BMS1: variants seen among roughly 807,000 people sequenced by gnomAD.
BMS1 encodes the protein BMS1 ribosome biogenesis factor, also known as ribosome biogenesis protein BMS1 homolog.
In BMS1, 53 loss-of-function variants were observed where a neutral mutation model predicts 138.7. That is an observed-to-expected ratio of 0.38 (90% CI 0.31 to 0.48). BMS1 has a LOEUF of 0.48. Among genes scored for constraint, BMS1 ranks in the 20% least tolerant of loss-of-function variants. BMS1 has a pLI of 0.97. For synonymous variants in BMS1, 504 were observed against 539.9 expected, an observed-to-expected ratio of 0.93 and a Z score of 0.92; for missense variants, 1,360 against 1,565.5, an observed-to-expected ratio of 0.87 and a Z score of 2.22.
Position 42,793,013 on chromosome 10 carries a change from C to G in BMS1, c.958C>G (p.Pro320Ala). ...TTTCCTCCCAGACCCTTGCGCTCTT[C>G]CTGAACAACAAAAGAAGCGCTGTTT... ...ISFLPDPCAL[P>A]EQQKKRCLNE... The change falls in exon 8 of 23, where the codon CCT becomes GCT. Residue 320 changes from proline to alanine, a missense_variant. By Grantham distance (27) the Pro-to-Ala change is conservative (BLOSUM62 -1). Transcript: ENST00000374518. 1 of 1,614,050 alleles carries G rather than the reference C, an allele frequency of 6.2e-7. No homozygotes were observed. The highest frequency in any genetic ancestry group is 8.5e-7 in the Non-Finnish European group (1 of 1,179,980).
intron 13 of BMS1, among the ~76,000 whole-genome samples, chr10:42,804,730 ATTT>A (rs60467901): frequency 6.8e-6 from 1 of 147,092 alleles, no homozygotes; most frequent in African/African-American, 2.5e-5. Flanking sequence ...TCAAAAAAAA[ATTT>A]TTTTTTTTTT....
Position 42,793,991 on chromosome 10 carries a change from G to A in BMS1, c.1229G>A (p.Gly410Glu), listed in dbSNP as rs540916105. 2.2e-4 allele frequency: 349 copies of A among 1,609,950 alleles called. 3 individuals are homozygous for A. The South Asian group carries it at 3.7e-3, about 17-fold the overall frequency. The change falls in exon 9 of 23, where the codon GGG (glycine) becomes GAG (glutamate). Residue 410 changes from glycine (G) to glutamate (E), a missense_variant and splice_region_variant. This residue lies in a region of BMS1 where 697 missense variants were observed against 686.2 expected (regional missense o/e 1.02). Transcript: ENST00000374518. Reference sequence around the variant, plus strand: ...GGGTCAGAGGATATAGATAATCAAGGGTAAGTCTGCTTTTTTTCTATTTTT... The same window carrying A: ...GGGTCAGAGGATATAGATAATCAAGAGTAAGTCTGCTTTTTTTCTATTTTT... ...PLGSEDIDNQ[G>E]LMMPKEEKQM...
chr10:42,783,587 A>G (rs943363326), intron 1 of BMS1, among the ~76,000 whole-genome samples: 3 of 151,754 alleles, frequency 2.0e-5, no homozygotes, highest in Non-Finnish European at 4.4e-5. Context: ...AAGCTGTCAG[A>G]TTTTATGCAG....
At position 42,784,347 on chromosome 10, in the gene BMS1, C is replaced by A. The variant is rs1403805739; in HGVS notation, c.-33-15C>A. 3 of 1,530,744 alleles carry A rather than the reference C, an allele frequency of 2.0e-6. No individual in the cohort carries two copies. Among genetic ancestry groups the A allele is most frequent in the Non-Finnish European group, 2.6e-6 (3 of 1,144,974 alleles). 94.8% of individuals were successfully genotyped at this position (1,530,744 alleles called of 1,614,324 possible). A position where few individuals can be genotyped will look rare whatever the true frequency, so the allele number is the denominator to read the frequency against. Reference sequence around the variant, plus strand: ...TGCTTCTCCCATCTCCTTACCCCAACCTTCTTCCTTGTAGGTTAGAGTTAC... The same window carrying A: ...TGCTTCTCCCATCTCCTTACCCCAAACTTCTTCCTTGTAGGTTAGAGTTAC... On this transcript the variant is annotated splice_polypyrimidine_tract_variant and intron_variant, in intron 1 of 22. Coordinates refer to ENST00000374518, the MANE Select transcript of BMS1 (RefSeq NM_014753.4).
At chr10:42,794,259 T>C (rs1470169343) in intron 9 of BMS1, among the ~76,000 whole-genome samples, 1 of 152,176 alleles carries the variant, frequency 6.6e-6, no homozygotes, top group Admixed American at 6.5e-5. Context: ...CTTTTGTTTT[T>C]TAAGAGACCT....
chr10:42,819,861 G>T (rs188958805), intron 15 of BMS1, among the ~76,000 whole-genome samples: 2 of 152,120 alleles, frequency 1.3e-5, no homozygotes, highest in African/African-American at 4.8e-5. Flanking sequence ...GCACGATCTC[G>T]ACTCACTGCA....
At position 42,823,739 on chromosome 10, in the gene BMS1, C is replaced by A. The variant is rs754940990; in HGVS notation, c.3411C>A (p.Leu1137=). 1 of 1,595,456 alleles carries A rather than the reference C, an allele frequency of 6.3e-7. No individual in the cohort carries two copies. The highest frequency in any genetic ancestry group is 8.5e-7 in the Non-Finnish European group (1 of 1,179,434). The change falls in exon 21 of 23, where the codon CTC becomes CTA. Residue 1137 remains leucine (L), a synonymous_variant. Transcript: ENST00000374518. ...TGCGGACCACGGGCCAACTCAGGCT[C>A]GCCCATGGCGTCAGACTAAAGGCGA... ...SGMRTTGQLR[L]AHGVRLKANK... is the part of the protein sequence containing the mutation.
intron 13 of BMS1, among the ~76,000 whole-genome samples, chr10:42,807,580 C>T (rs960427067): frequency 1.3e-5 from 2 of 152,274 alleles, no homozygotes; most frequent in East Asian, 1.9e-4. Flanking sequence ...AAGTGATCTT[C>T]CCACATCAGC....
chr10:42,823,749 G>T lies in BMS1; in HGVS notation c.3421G>T (p.Val1141Phe). ...GGGCCAACTCAGGCTCGCCCATGGC[G>T]TCAGACTAAAGGCGAACAAGGACTC... is the stretch of plus-strand genomic sequence containing the variant. The part of the protein sequence containing the change: ...TTGQLRLAHG[V>F]RLKANKDSLY... The change falls in exon 21 of 23, where the codon GTC becomes TTC. Residue 1141 changes from valine (V) to phenylalanine (F), a missense_variant. This residue lies in a region of BMS1 where 425 missense variants were observed against 568.3 expected (regional missense o/e 0.75). Transcript: ENST00000374518. 1 of 1,595,120 alleles carries T rather than the reference G, an allele frequency of 6.3e-7. No homozygotes were observed. The highest frequency in any genetic ancestry group is 8.5e-7 in the Non-Finnish European group (1 of 1,179,324).
rs1400564950 is a variant in BMS1, at chr10:42,834,540, T to G, written c.*3444T>G. 1 of 152,174 alleles carries G rather than the reference T, an allele frequency of 6.6e-6. No individual in the cohort carries two copies. The highest frequency in any genetic ancestry group is 6.5e-5 in the Admixed American group (1 of 15,270). The allele number at this position is 152,174 out of a possible 1,614,324, so 9.4% of individuals were successfully genotyped here. A position where few individuals can be genotyped will look rare whatever the true frequency, so the allele number is the denominator to read the frequency against. On this transcript the variant is annotated 3_prime_UTR_variant, in exon 23 of 23. Transcript: ENST00000374518. ...TTGTGTCTCCTTAGTTTTACCTAGTTTATTTCATGGTTTTAAAGTATTGTA... is the reference window on the plus strand; with the variant it reads ...TTGTGTCTCCTTAGTTTTACCTAGTGTATTTCATGGTTTTAAAGTATTGTA...
chr10:42,785,633 A>G lies in BMS1; in HGVS notation c.328A>G (p.Lys110Glu). The change falls in exon 3 of 23, where the codon AAG becomes GAG. Residue 110 changes from lysine (K) to glutamate (E), a missense_variant. Physicochemically the swap from Lys to Glu is moderately conservative, Grantham distance 56 (BLOSUM62 1). Coordinates refer to ENST00000374518, the MANE Select transcript of BMS1 (RefSeq NM_014753.4). Reference sequence around the variant, plus strand: ...CCTCATTCGGAACTTTACCCGGCAGAAGTTGACTGAGATCAGAGGCCCTGT... The same window carrying G: ...CCTCATTCGGAACTTTACCCGGCAGGAGTTGACTGAGATCAGAGGCCCTGT... ...QCLIRNFTRQ[K>E]LTEIRGPVTI... The G allele has an allele frequency of 1.9e-6, 3 of 1,613,940 alleles. No individual in the cohort carries two copies. Among genetic ancestry groups the G allele is most frequent in the Non-Finnish European group, 2.5e-6 (3 of 1,179,860 alleles).
rs879940551 is a variant in BMS1 at position 42,811,520 on chromosome 10, C to CT, written c.2330-5074dup. On this transcript the variant is annotated intron_variant, in intron 13 of 22. Transcript: ENST00000374518. ...CACAAATGTTCACGTGTTGTATTTT[C>CT]TTTTTCTTTTTTTTTTTTTTTTGAG... Among the ~76,000 whole-genome samples the CT allele has an allele frequency of 2.0e-3, 246 of 121,548 alleles. 32 individuals carry two copies. Among genetic ancestry groups the CT allele is most frequent in the African/African-American group, 5.9e-3 (175 of 29,850 alleles). The allele number at this position is 121,548 out of a possible 152,430, so 79.7% of individuals were successfully genotyped here.
At chr10:42,825,175 A>G (rs926658874) in intron 21 of BMS1, among the ~76,000 whole-genome samples, 6 of 151,944 alleles carry the variant, frequency 3.9e-5, no homozygotes, top group African/African-American at 1.2e-4. Flanking sequence ...TGCCCAGCCA[A>G]TTTTTGTGGT....
rs1296260140 is a variant in BMS1, at chr10:42,817,357, C to T, written c.2443C>T (p.Pro815Ser). The change falls in exon 15 of 23, where the codon CCC becomes TCC. Residue 815 changes from proline (P) to serine (S), a missense_variant. Pro to Ser is a moderately conservative substitution (Grantham distance 74, BLOSUM62 -1). Around this residue, in one of 3 missense-constraint regions of BMS1, gnomAD observed 697 missense variants for 686.2 expected, o/e 1.02. Coordinates refer to ENST00000374518, the MANE Select transcript of BMS1 (RefSeq NM_014753.4). The stretch of plus-strand genomic sequence containing the variant: ...GAAAGAAGTTAAGGAAGAAATTGAC[C>T]CCGACGAAGAAGAAAGTGCCAAGAA... ...IEKEVKEEID[P>S]DEEESAKKKH... is the part of the protein sequence containing the mutation. 2.5e-6 allele frequency: 4 copies of T among 1,606,230 alleles called. No homozygotes were observed. Among genetic ancestry groups the T allele is most frequent in the African/African-American group, 1.3e-5 (1 of 74,334 alleles).
At chr10:42,795,486 AT>A (rs1271189743) in intron 9 of BMS1, among the ~76,000 whole-genome samples, 1,646 of 140,418 alleles carry the variant, frequency 0.012, 20 homozygotes, top group African/African-American at 0.038. Context: ...CTCCTAGCTA[AT>A]TTTTTTTTTT....
At chr10:42,793,767 A>G in intron 8 of BMS1, 85 bp from the exon 9 acceptor site, 1 of 1,466,540 alleles carries the variant, frequency 6.8e-7, no homozygotes, top group South Asian at 1.3e-5. Flanking sequence ...TGTGTCTAAG[A>G]TAATTTTGAG....
At chr10:42,815,973 T>G (rs577662873) in intron 13 of BMS1, among the ~76,000 whole-genome samples, 1 of 152,306 alleles carries the variant, frequency 6.6e-6, no homozygotes, top group South Asian at 2.1e-4. Context: ...ACTATTCGTT[T>G]GGGGGACACA....
intron 13 of BMS1, among the ~76,000 whole-genome samples, chr10:42,808,182 C>T (rs1422890549): frequency 2.0e-5 from 3 of 151,918 alleles, no homozygotes; most frequent in Non-Finnish European, 2.9e-5. Context: ...TTAACTCCAT[C>T]GTCGGATGTG....
Position 42,797,488 on chromosome 10 carries a change from C to T in BMS1, c.2054C>T (p.Ala685Val), listed in dbSNP as rs1841727458. ...AAEAFLRQQQ[A>V]APNLRKLIYG... ...GAGGCCTTTCTGAGGCAGCAGCAAGCAGCTCCAAACCTCCGAAAGCTTATT... is the reference window on the plus strand; with the variant it reads ...GAGGCCTTTCTGAGGCAGCAGCAAGTAGCTCCAAACCTCCGAAAGCTTATT... The change falls in exon 11 of 23, where the codon GCA becomes GTA. Residue 685 changes from alanine to valine, a missense_variant. Ala to Val is a moderately conservative substitution (Grantham distance 64). Around this residue, in one of 3 missense-constraint regions of BMS1, gnomAD observed 697 missense variants for 686.2 expected, o/e 1.02. Transcript: ENST00000374518. 1 of 1,614,196 alleles carries T rather than the reference C, an allele frequency of 6.2e-7. No individual in the cohort carries two copies. The highest frequency in any genetic ancestry group is 1.3e-5 in the African/African-American group (1 of 75,048).
Sources: gnomAD v4.1 joint callset for allele counts (sites outside exome capture counted in the v4.1 genomes callset) on GRCh38, gnomAD v4.1.1 for gene constraint, gnomAD v4.1.1 regional missense constraint, MANE v1.5 for transcripts, NCBI Gene and HGNC (gene_info 2026-07-23, HGNC 2026-07-21) for gene names.